The following ST6GALNAC5 variants were observed in gnomAD, a reference collection of about 807,000 sequenced individuals.
ST6GALNAC5 encodes the protein alpha-N-acetylgalactosaminide alpha-2,6-sialyltransferase 5.
Under a neutral mutation model 33.6 loss-of-function variants are expected in ST6GALNAC5, and 27 were observed. The ratio of observed to expected loss-of-function variants is 0.80; its 90% CI spans 0.59 to 1.11. The LOEUF (loss-of-function observed/expected upper bound fraction) is 1.11, where lower values mean the gene tolerates loss of function less well. Among genes scored for constraint, ST6GALNAC5 ranks in the 50% least tolerant of loss-of-function variants. ST6GALNAC5 has a pLI of 0.00. For missense variants in ST6GALNAC5, 428 were observed against 454.0 expected, an observed-to-expected ratio of 0.94 and a Z score of 0.52; for synonymous variants, 194 against 171.2, an observed-to-expected ratio of 1.13 and a Z score of -1.04.
At chr1:76,973,007 A>G (rs1050078151) in intron 2 of ST6GALNAC5, among the ~76,000 whole-genome samples, 1 of 152,172 alleles carries the variant, frequency 6.6e-6, no homozygotes, top group Non-Finnish European at 1.5e-5. Context: ...TGATCAAAAA[A>G]TGATCATTCT....
Position 77,064,846 on chromosome 1 carries a change from C to T in ST6GALNAC5, c.*1640C>T, listed in dbSNP as rs773686477. 5 of 152,122 alleles carry T rather than the reference C, an allele frequency of 3.3e-5. No individual in the cohort carries two copies. The highest frequency in any genetic ancestry group is 1.9e-4 in the East Asian group (1 of 5,196). The allele number at this position is 152,122 out of a possible 1,614,324, so 9.4% of individuals were successfully genotyped here. ...TGGCTTATGATAAAAGAAGTTTTAT[C>T]GCATTACCACTTCTTTTCCCTTTTC... On this transcript the variant is annotated 3_prime_UTR_variant, in exon 5 of 5. Transcript: ENST00000477717.
At chr1:76,958,325 T>C (rs1051443798) in intron 2 of ST6GALNAC5, among the ~76,000 whole-genome samples, 5 of 152,380 alleles carry the variant, frequency 3.3e-5, no homozygotes, top group South Asian at 2.1e-4. Context: ...TGCTTTTTTG[T>C]ACACATTTAA....
chr1:76,933,988 C>T (rs1647171138), intron 2 of ST6GALNAC5, among the ~76,000 whole-genome samples: 1 of 151,992 alleles, frequency 6.6e-6, no homozygotes, highest in Admixed American at 6.6e-5. Context: ...TCCTCCTTTC[C>T]TGATCACAGC....
chr1:76,890,173 C>T (rs1653983221), intron 2 of ST6GALNAC5, among the ~76,000 whole-genome samples: 1 of 152,166 alleles, frequency 6.6e-6, no homozygotes, highest in Admixed American at 6.5e-5. Context: ...TAAAGCTTTA[C>T]TAAAATAAGC....
chr1:76,974,539 T>C (rs1482568214), intron 2 of ST6GALNAC5, among the ~76,000 whole-genome samples: 1 of 151,952 alleles, frequency 6.6e-6, no homozygotes, highest in Admixed American at 6.6e-5. Context: ...GAAGCTTCTT[T>C]CTTCTTGATA....
intron 4 of ST6GALNAC5, among the ~76,000 whole-genome samples, chr1:77,054,880 A>G (rs1359644486): frequency 2.0e-5 from 3 of 152,172 alleles, no homozygotes; most frequent in South Asian, 2.1e-4. Flanking sequence ...ATAGCATTGC[A>G]TTCACATTTA....
At chr1:76,930,642 C>T (rs1167774885) in intron 2 of ST6GALNAC5, among the ~76,000 whole-genome samples, 1 of 152,084 alleles carries the variant, frequency 6.6e-6, no homozygotes, top group Admixed American at 6.6e-5. Context: ...TTTTTCTTCG[C>T]ATTATGGCAG....
At chr1:76,959,600 T>C (rs908765335) in intron 2 of ST6GALNAC5, among the ~76,000 whole-genome samples, 12 of 152,338 alleles carry the variant, frequency 7.9e-5, no homozygotes, top group African/African-American at 2.9e-4. Flanking sequence ...CCAGGGATGA[T>C]CTGACTGTGA....
At chr1:76,872,711 GAC>G (rs1393874751) in intron 2 of ST6GALNAC5, among the ~76,000 whole-genome samples, 1 of 152,110 alleles carries the variant, frequency 6.6e-6, no homozygotes, top group Non-Finnish European at 1.5e-5. Context: ...TAATTTATTT[GAC>G]CACATTTTAT....
chr1:76,891,144 C>CT (rs1464772626), intron 2 of ST6GALNAC5, among the ~76,000 whole-genome samples: 4 of 152,064 alleles, frequency 2.6e-5, no homozygotes, highest in Non-Finnish European at 5.9e-5. Flanking sequence ...GAGTCTTAGC[C>CT]TTTTAAGGAA....
intron 2 of ST6GALNAC5, among the ~76,000 whole-genome samples, chr1:77,015,005 T>G (rs554804607): frequency 4.0e-5 from 6 of 151,760 alleles, no homozygotes; most frequent in Non-Finnish European, 8.8e-5. Context: ...TCGGTATTAG[T>G]CGGAATTCTC....
At chr1:77,027,557 T>C (rs1389163915) in intron 2 of ST6GALNAC5, among the ~76,000 whole-genome samples, 1 of 152,010 alleles carries the variant, frequency 6.6e-6, no homozygotes, top group Non-Finnish European at 1.5e-5. Context: ...AGGAGCACAA[T>C]GGGAACTGGG....
At chr1:76,975,598 C>T (rs888686753) in intron 2 of ST6GALNAC5, among the ~76,000 whole-genome samples, 5 of 152,188 alleles carry the variant, frequency 3.3e-5, no homozygotes, top group African/African-American at 9.6e-5. Flanking sequence ...AGATTATAAA[C>T]ATATGTAGCA....
chr1:77,060,680 A>G (rs902187423), intron 4 of ST6GALNAC5, among the ~76,000 whole-genome samples: 34 of 152,176 alleles, frequency 2.2e-4, no homozygotes, highest in African/African-American at 7.5e-4. Context: ...GGGGATCAAT[A>G]TGGAGTCAGA....
intron 2 of ST6GALNAC5, among the ~76,000 whole-genome samples, chr1:76,939,730 A>C (rs1215345661): frequency 6.6e-6 from 1 of 152,120 alleles, no homozygotes; most frequent in Non-Finnish European, 1.5e-5. Context: ...TTCATTCCAC[A>C]ACTATTTACT....
In ST6GALNAC5 at chr1:76,897,274, T is replaced by C. The variant is rs187619690; in HGVS notation, c.261+28532T>C. 3.0e-3 allele frequency among the ~76,000 whole-genome samples: 461 copies of C among 152,130 alleles called. 3 individuals are homozygous for C. Among genetic ancestry groups the C allele is most frequent in the African/African-American group, 0.01 (429 of 41,500 alleles). On this transcript the variant is annotated intron_variant, in intron 2 of 4. Transcript: ENST00000477717. Reference sequence around the variant, plus strand: ...AGGTTTGAGATCTGGAACAGAATAATGGATTGTGGAGGGAGGTATTGAGGA... The same window carrying C: ...AGGTTTGAGATCTGGAACAGAATAACGGATTGTGGAGGGAGGTATTGAGGA...
At chr1:77,027,947 T>A (rs534035998) in intron 2 of ST6GALNAC5, among the ~76,000 whole-genome samples, 3 of 152,316 alleles carry the variant, frequency 2.0e-5, no homozygotes, top group Non-Finnish European at 4.4e-5. Flanking sequence ...CTGGTATCCC[T>A]CCTGAGTAAG....
chr1:77,040,482 C>A (rs146341083), intron 2 of ST6GALNAC5, among the ~76,000 whole-genome samples: 10 of 152,216 alleles, frequency 6.6e-5, no homozygotes, highest in Middle Eastern at 3.4e-3. Flanking sequence ...CTAGTGGTGC[C>A]CACTAATCAC....
In ST6GALNAC5 at chr1:76,965,313, G is replaced by A. The variant is rs111568048; in HGVS notation, c.262-78891G>A. Among the ~76,000 whole-genome samples the A allele has an allele frequency of 5.2e-3, 799 of 152,192 alleles. 13 individuals are homozygous for A. The highest frequency in any genetic ancestry group is 0.018 in the African/African-American group (752 of 41,520). On this transcript the variant is annotated intron_variant, in intron 2 of 4. Coordinates refer to ENST00000477717, the MANE Select transcript of ST6GALNAC5 (RefSeq NM_030965.3). ...TTTGATTATCGCCATTCTAACTAGC[G>A]TGAGACAGTATCTCATTGTGGTTTT...
Sources: gnomAD v4.1 joint callset for allele counts (sites outside exome capture counted in the v4.1 genomes callset) on GRCh38, gnomAD v4.1.1 for gene constraint, MANE v1.5 for transcripts, NCBI Gene and HGNC (gene_info 2026-07-23, HGNC 2026-07-21) for gene names.